Variants in TLE4 observed in about 807,000 individuals in gnomAD.
The protein encoded by TLE4 is TLE family member 4, transcriptional corepressor, also known as transducin-like enhancer protein 4.
Under a neutral mutation model 92.8 loss-of-function variants are expected in TLE4, and 8 were observed. That is an observed-to-expected ratio of 0.09 (90% CI 0.05 to 0.16). TLE4 has a LOEUF of 0.16. TLE4 is among the 10% of genes least tolerant of loss of function. The pLI is 1.00. For synonymous variants in TLE4, 371 were observed against 374.1 expected, an observed-to-expected ratio of 0.99 and a Z score of 0.10; for missense variants, 675 against 997.6, an observed-to-expected ratio of 0.68 and a Z score of 4.36.
intron 4 of TLE4, among the ~76,000 whole-genome samples, chr9:79,600,798 C>T (rs939765982): frequency 4.6e-5 from 7 of 151,758 alleles, no homozygotes; most frequent in African/African-American, 1.2e-4. Flanking sequence ...AGCACGAACT[C>T]GTCTACACAT....
At chr9:79,673,122 A>G (rs1360001969) in intron 8 of TLE4, among the ~76,000 whole-genome samples, 1 of 152,182 alleles carries the variant, frequency 6.6e-6, no homozygotes, top group Non-Finnish European at 1.5e-5. Context: ...GCTTTCAGGA[A>G]CGTGGAGGAT....
intron 19 of TLE4, among the ~76,000 whole-genome samples, chr9:79,723,539 C>T (rs1350563208): frequency 6.6e-6 from 1 of 152,142 alleles, no homozygotes; most frequent in Non-Finnish European, 1.5e-5. Context: ...TGTAGAAGGA[C>T]CAAATTGTAG....
intron 8 of TLE4, among the ~76,000 whole-genome samples, chr9:79,679,352 G>A (rs1430397371): frequency 6.6e-6 from 1 of 152,076 alleles, no homozygotes; most frequent in Non-Finnish European, 1.5e-5. Context: ...GTTTTGATTT[G>A]CATTTCTCTG....
chr9:79,691,745 C>T (rs1417882643), intron 8 of TLE4, among the ~76,000 whole-genome samples: 1 of 152,236 alleles, frequency 6.6e-6, no homozygotes, highest in East Asian at 1.9e-4. Context: ...GCTTTTGCTT[C>T]AGGTGTCAGC....
intron 5 of TLE4, among the ~76,000 whole-genome samples, chr9:79,616,771 A>G (rs1280640309): frequency 1.3e-5 from 2 of 152,106 alleles, no homozygotes; most frequent in Non-Finnish European, 2.9e-5. Context: ...TTCCAGGAAC[A>G]TATCTATGTA....
At chr9:79,651,330 C>T (rs111387823) in intron 6 of TLE4, among the ~76,000 whole-genome samples, 619 of 152,224 alleles carry the variant, frequency 4.1e-3, no homozygotes, top group Middle Eastern at 0.01. Flanking sequence ...CCTCCTCTCC[C>T]CCACTTCCCA....
At chr9:79,598,001 G>C (rs946821835) in intron 4 of TLE4, among the ~76,000 whole-genome samples, 1 of 151,274 alleles carries the variant, frequency 6.6e-6, no homozygotes, top group Admixed American at 6.6e-5. Flanking sequence ...GGGAGGCTGA[G>C]GCAGGCGGAT....
At chr9:79,704,575 CT>C (rs2070965047) in intron 8 of TLE4, 2 of 582,340 alleles carry the variant, frequency 3.4e-6, no homozygotes, top group Non-Finnish European at 5.8e-6. Flanking sequence ...TTCCCATTAT[CT>C]TTCCCCCTTG....
chr9:79,684,505 G>A (rs1051117926), intron 8 of TLE4, among the ~76,000 whole-genome samples: 2 of 124,092 alleles, frequency 1.6e-5, no homozygotes, highest in Non-Finnish European at 3.7e-5. Context: ...GCAATGCAGG[G>A]ATCTAGGTTG....
At chr9:79,668,932 T>C in intron 8 of TLE4, 1 of 664,578 alleles carries the variant, frequency 1.5e-6, no homozygotes, top group Non-Finnish European at 1.9e-6. Flanking sequence ...TCATGAGGAA[T>C]TATCAATGCA....
rs565950109 is a variant in TLE4 at position 79,687,955 on chromosome 9, A to G, written c.610-16828A>G. On this transcript the variant is annotated intron_variant, in intron 8 of 19. Coordinates refer to ENST00000376552, the MANE Select transcript of TLE4 (RefSeq NM_007005.6). ...GAGACTGGGATTCTGCATTTCTAAC[A>G]AGCCCTCAGGAGATGCTGTTGGACA... Among the ~76,000 whole-genome samples the G allele has an allele frequency of 1.1e-4, 17 of 152,282 alleles. No individual in the cohort carries two copies. In the South Asian group the frequency reaches 1.5e-3, roughly 13 times the overall value.
At chr9:79,629,079 A>G (rs2053504647) in intron 6 of TLE4, among the ~76,000 whole-genome samples, 1 of 152,134 alleles carries the variant, frequency 6.6e-6, no homozygotes. Context: ...GTGATCCCTG[A>G]TAGGAGAGGT....
intron 6 of TLE4, among the ~76,000 whole-genome samples, chr9:79,632,319 G>A (rs1024706182): frequency 6.6e-6 from 1 of 152,190 alleles, no homozygotes; most frequent in African/African-American, 2.4e-5. Flanking sequence ...GTTCCAGTAG[G>A]ATGGAGCTTC....
rs138710385 is a variant in TLE4 at position 79,616,232 on chromosome 9, A to G, written c.315+3514A>G. ...GTTGGATCTGGGTCCTGGCCTCCCT[A>G]TTACAAATCGTGTGGTTTACTCTAA... On this transcript the variant is annotated intron_variant, in intron 5 of 19. Coordinates refer to ENST00000376552, the MANE Select transcript of TLE4 (RefSeq NM_007005.6). 2.9e-3 allele frequency among the ~76,000 whole-genome samples: 445 copies of G among 152,258 alleles called. 2 individuals carry two copies. Among genetic ancestry groups the G allele is most frequent in the Non-Finnish European group, 4.6e-3 (313 of 68,010 alleles).
At chr9:79,602,910 G>T (rs2045981516) in intron 4 of TLE4, among the ~76,000 whole-genome samples, 2 of 152,072 alleles carry the variant, frequency 1.3e-5, no homozygotes, top group Admixed American at 1.3e-4. Flanking sequence ...TTCATGGGAG[G>T]AGGTCAAAAT....
At chr9:79,617,463 C>T (rs191032787) in intron 5 of TLE4, among the ~76,000 whole-genome samples, 6 of 152,184 alleles carry the variant, frequency 3.9e-5, no homozygotes, top group Admixed American at 3.3e-4. Context: ...TCTTGAAAAG[C>T]AGTAGGTCAG....
intron 19 of TLE4, among the ~76,000 whole-genome samples, chr9:79,724,097 C>T (rs1470089896): frequency 6.6e-6 from 1 of 151,936 alleles, no homozygotes; most frequent in Non-Finnish European, 1.5e-5. Flanking sequence ...TTGAACCTCT[C>T]CCCTCTCGCA....
chr9:79,603,027 T>G (rs2046008278), intron 4 of TLE4, among the ~76,000 whole-genome samples: 1 of 152,138 alleles, frequency 6.6e-6, no homozygotes, highest in African/African-American at 2.4e-5. Context: ...CTTGAAGATG[T>G]GACTGAATTG....
intron 8 of TLE4, among the ~76,000 whole-genome samples, chr9:79,694,794 G>T (rs2067872339): frequency 6.6e-6 from 1 of 151,668 alleles, no homozygotes; most frequent in Non-Finnish European, 1.5e-5. Context: ...AAAAAGCAGG[G>T]GGGAGGACTA....
Sources: allele counts gnomAD v4.1 joint callset (sites outside exome capture counted in the v4.1 genomes callset), GRCh38; gene constraint gnomAD v4.1.1; transcripts MANE v1.5; gene names NCBI Gene and HGNC (gene_info 2026-07-23, HGNC 2026-07-21).